The following CAMK4 variants were observed in gnomAD, a reference collection of about 807,000 sequenced individuals.
CAMK4 encodes the protein calcium/calmodulin dependent protein kinase IV.
A neutral mutation model predicts 44.9 loss-of-function variants in CAMK4; 22 were observed. The ratio of observed to expected loss-of-function variants is 0.49; its 90% CI spans 0.35 to 0.70. The LOEUF is 0.70. CAMK4 is among the 30% of genes least tolerant of loss of function. The pLI, the probability that CAMK4 is intolerant of heterozygous loss-of-function variation, is 0.01. For synonymous variants in CAMK4, 218 were observed against 215.4 expected (o/e 1.01, Z -0.11); for missense variants, 498 against 586.8 (o/e 0.85, Z 1.56).
chr5:111,393,368 A>G (rs1320720766), intron 4 of CAMK4, among the ~76,000 whole-genome samples: 2 of 152,216 alleles, frequency 1.3e-5, no homozygotes, highest in Non-Finnish European at 2.9e-5. Context: ...AAATAGCTCC[A>G]AAGACATCAA....
chr5:111,488,565 TA>T lies in CAMK4; in HGVS notation c.*4100del, dbSNP rs1261644588. Reference sequence around the variant, plus strand: ...GCATGGTAACTGATGGTGGGTTGCCTACAGGCTGAAGATTTGGAGAGAGCCA... The same window carrying T: ...GCATGGTAACTGATGGTGGGTTGCCTCAGGCTGAAGATTTGGAGAGAGCCA... On this transcript the variant is annotated 3_prime_UTR_variant, in exon 11 of 11. Transcript: ENST00000282356. The T allele has an allele frequency of 2.0e-5, 3 of 152,230 alleles. No homozygotes were observed. Among genetic ancestry groups the T allele is most frequent in the African/African-American group, 7.2e-5 (3 of 41,462 alleles). The allele number at this position is 152,230 out of a possible 1,614,324, so 9.4% of individuals were successfully genotyped here.
At chr5:111,416,110 G>T (rs887269057) in intron 5 of CAMK4, among the ~76,000 whole-genome samples, 13 of 152,146 alleles carry the variant, frequency 8.5e-5, no homozygotes, top group African/African-American at 2.9e-4. Flanking sequence ...AGTAACTGCT[G>T]TTGGGGGAGT....
At chr5:111,271,490 A>C (rs1028343819) in intron 1 of CAMK4, among the ~76,000 whole-genome samples, 4 of 152,172 alleles carry the variant, frequency 2.6e-5, no homozygotes, top group Admixed American at 6.5e-5. Flanking sequence ...TTTCACCATG[A>C]TTCTTCTACT....
chr5:111,386,370 C>T (rs746258413), intron 4 of CAMK4, among the ~76,000 whole-genome samples: 1 of 152,162 alleles, frequency 6.6e-6, no homozygotes, highest in African/African-American at 2.4e-5. Context: ...CTCATCAGAC[C>T]ATTATCTTTC....
At chr5:111,423,069 A>G (rs1342798772) in intron 5 of CAMK4, among the ~76,000 whole-genome samples, 1 of 152,184 alleles carries the variant, frequency 6.6e-6, no homozygotes, top group African/African-American at 2.4e-5. Context: ...ATTATTTACA[A>G]AATCTTGTTT....
intron 5 of CAMK4, among the ~76,000 whole-genome samples, chr5:111,431,536 T>G (rs921750872): frequency 6.6e-6 from 1 of 152,074 alleles, no homozygotes; most frequent in African/African-American, 2.4e-5. Context: ...AAAAAGCTTC[T>G]GCACGGAAAA....
At position 111,436,388 on chromosome 5, in the gene CAMK4, C is replaced by T. The variant is rs113483005; in HGVS notation, c.460-10298C>T. 4.1e-3 allele frequency among the ~76,000 whole-genome samples: 629 copies of T among 152,316 alleles called. 6 individuals are homozygous for T. The highest frequency in any genetic ancestry group is 0.015 in the African/African-American group (606 of 41,558). On this transcript the variant is annotated intron_variant, in intron 5 of 10. Coordinates refer to ENST00000282356, the MANE Select transcript of CAMK4 (RefSeq NM_001744.6). Reference sequence around the variant, plus strand: ...CAGTGTGTTCTTTGTGACCTCTTCTCTTGTCTACTACTCTAACCTGACACC... The same window carrying T: ...CAGTGTGTTCTTTGTGACCTCTTCTTTTGTCTACTACTCTAACCTGACACC...
chr5:111,484,404 C>T lies in CAMK4; in HGVS notation c.1360C>T (p.Gln454Ter). 1 of 1,569,910 alleles carries T rather than the reference C, an allele frequency of 6.4e-7. No individual in the cohort carries two copies. Among genetic ancestry groups the T allele is most frequent in the Non-Finnish European group, 8.6e-7 (1 of 1,159,830 alleles). Reference sequence around the variant, plus strand: ...GGAGGCAGCAGCTCCCAGAGAAGGGCAAGGAAGCTCTGCTGTGGGTTTTGA... The same window carrying T: ...GGAGGCAGCAGCTCCCAGAGAAGGGTAAGGAAGCTCTGCTGTGGGTTTTGA... ...VEEAAAPREG[Q>*]GSSAVGFEVP... The change falls in exon 11 of 11, where the codon CAA becomes TAA. Residue 454 changes from glutamine (Q) to a stop codon, truncating the protein, a stop_gained. Transcript: ENST00000282356. LOFTEE classifies it high-confidence loss of function. This position sits in a 1 kb window ranked among gnomAD's most constrained non-coding sequence, Gnocchi z 5.3.
At chr5:111,415,008 T>C (rs1413267162) in intron 5 of CAMK4, among the ~76,000 whole-genome samples, 1 of 152,130 alleles carries the variant, frequency 6.6e-6, no homozygotes, top group East Asian at 1.9e-4. Flanking sequence ...AAGAATAGTC[T>C]TAGACAAAAA....
intron 5 of CAMK4, among the ~76,000 whole-genome samples, chr5:111,407,905 C>A (rs990406007): frequency 9.2e-5 from 14 of 152,104 alleles, no homozygotes; most frequent in African/African-American, 3.4e-4. Flanking sequence ...GTGGGCAGAT[C>A]ACTTGAGGTC....
Position 111,273,700 on chromosome 5 carries a change from TATATATATATATATATATACACAC to T in CAMK4, c.161+49058_161+49081del, listed in dbSNP as rs1166643620. ...ATTTATATATATATATATATATATA[TATATATATATATATATATACACAC>T]ACATACATACACACACACACGCTCA... On this transcript the variant is annotated intron_variant, in intron 1 of 10. Transcript: ENST00000282356. Among the ~76,000 whole-genome samples the T allele has an allele frequency of 8.2e-4, 52 of 63,510 alleles. 2 individuals are homozygous for T. The highest frequency in any genetic ancestry group is 1.3e-3 in the South Asian group (2 of 1,526). The allele number at this position is 63,510 out of a possible 152,430, so 41.7% of individuals were successfully genotyped here. A position where few individuals can be genotyped will look rare whatever the true frequency, so the allele number is the denominator to read the frequency against.
chr5:111,232,761 G>A (rs1226072535), intron 1 of CAMK4, among the ~76,000 whole-genome samples: 2 of 150,998 alleles, frequency 1.3e-5, no homozygotes, highest in Admixed American at 6.6e-5. Flanking sequence ...AACTGATGAT[G>A]TAAATTTTTT....
chr5:111,350,322 T>TTC (rs1165599048), intron 2 of CAMK4, among the ~76,000 whole-genome samples: 1 of 152,096 alleles, frequency 6.6e-6, no homozygotes, highest in Non-Finnish European at 1.5e-5. Context: ...AATTTTAATG[T>TTC]TCTCATTAGC....
In CAMK4 at chr5:111,491,277, G is replaced by A. The variant is rs1580825073; in HGVS notation, c.*6811G>A. 3 of 152,120 alleles carry A rather than the reference G, an allele frequency of 2.0e-5. No homozygotes were observed. Among genetic ancestry groups the A allele is most frequent in the Admixed American group, 1.3e-4 (2 of 15,274 alleles). The allele number at this position is 152,120 out of a possible 1,614,324, so 9.4% of individuals were successfully genotyped here. A position where few individuals can be genotyped will look rare whatever the true frequency, so the allele number is the denominator to read the frequency against. ...TTTGTGGCTGCTTTTATGTTGTCAA[G>A]GCAGAGTTGAGTACTTTCAACAGAG... On this transcript the variant is annotated 3_prime_UTR_variant, in exon 11 of 11. Transcript: ENST00000282356.
rs1755748397 is a variant in CAMK4, at chr5:111,489,634, G to A, written c.*5168G>A. ...AGAAGCCTTGCCGAGAAAGTGAACTGTCTTACTCCTTCAAAGGAATCAGAT... is the reference window on the plus strand; with the variant it reads ...AGAAGCCTTGCCGAGAAAGTGAACTATCTTACTCCTTCAAAGGAATCAGAT... On this transcript the variant is annotated 3_prime_UTR_variant, in exon 11 of 11. Coordinates refer to ENST00000282356, the MANE Select transcript of CAMK4 (RefSeq NM_001744.6). 1 of 152,194 alleles carries A rather than the reference G, an allele frequency of 6.6e-6. No homozygotes were observed. The highest frequency in any genetic ancestry group is 2.1e-4 in the South Asian group (1 of 4,826). 9.4% of individuals were successfully genotyped at this position (152,194 alleles called of 1,614,324 possible). A position where few individuals can be genotyped will look rare whatever the true frequency, so the allele number is the denominator to read the frequency against.
chr5:111,293,578 C>T (rs1274665632), intron 1 of CAMK4, among the ~76,000 whole-genome samples: 1 of 151,594 alleles, frequency 6.6e-6, no homozygotes, highest in African/African-American at 2.4e-5. Context: ...AAGCACCCGC[C>T]ACCACGTCCA....
chr5:111,402,259 A>G (rs1210128267), intron 5 of CAMK4, among the ~76,000 whole-genome samples: 1 of 152,256 alleles, frequency 6.6e-6, no homozygotes, highest in Admixed American at 6.5e-5. Context: ...TCAGCATCAT[A>G]AAGTGGAAGA....
intron 1 of CAMK4, among the ~76,000 whole-genome samples, chr5:111,321,602 C>T (rs1160582319): frequency 6.6e-6 from 1 of 152,082 alleles, no homozygotes; most frequent in Non-Finnish European, 1.5e-5. Flanking sequence ...CACATGAATC[C>T]TTTAGAAACA....
chr5:111,253,356 C>T (rs557569778), intron 1 of CAMK4, among the ~76,000 whole-genome samples: 10 of 152,286 alleles, frequency 6.6e-5, no homozygotes, highest in South Asian at 6.2e-4. Context: ...CAGCAGGTGC[C>T]GGCTGCCCTG....
Sources: allele counts gnomAD v4.1 joint callset (sites outside exome capture counted in the v4.1 genomes callset), GRCh38; gene constraint gnomAD v4.1.1; non-coding constraint Gnocchi (gnomAD v3.1); transcripts MANE v1.5; gene names NCBI Gene and HGNC (gene_info 2026-07-23, HGNC 2026-07-21).